Variants in YAF2 observed in about 807,000 individuals in gnomAD.
YAF2 encodes the protein YY1-associated factor 2.
A neutral mutation model predicts 20.1 loss-of-function variants in YAF2; 7 were observed. The ratio of observed to expected loss-of-function variants is 0.35; its 90% CI spans 0.20 to 0.65. The LOEUF (loss-of-function observed/expected upper bound fraction) is 0.65, where lower values mean the gene tolerates loss of function less well. YAF2 is among the 30% of genes least tolerant of loss of function. The pLI, the probability that YAF2 is intolerant of heterozygous loss-of-function variation, is 0.69. For synonymous variants in YAF2, 74 were observed against 76.0 expected (o/e 0.97, Z 0.14); for missense variants, 151 against 219.2 (o/e 0.69, Z 1.96).
At chr12:42,235,609 C>T in intron 2 of YAF2, 1 of 1,474,364 alleles carries the variant, frequency 6.8e-7, no homozygotes, top group Non-Finnish European at 8.9e-7. Flanking sequence ...GTGTAGAACA[C>T]TTACTTTCAG....
chr12:42,194,521 G>A (rs2066700268), intron 2 of YAF2, among the ~76,000 whole-genome samples: 1 of 152,182 alleles, frequency 6.6e-6, no homozygotes, highest in Non-Finnish European at 1.5e-5. Context: ...GCAAGCGCCT[G>A]TAATCCCAGC....
chr12:42,174,938 AG>A (rs1348094198), intron 2 of YAF2, among the ~76,000 whole-genome samples: 1 of 152,232 alleles, frequency 6.6e-6, no homozygotes, highest in African/African-American at 2.4e-5. Flanking sequence ...TATGCATCAA[AG>A]TTTTCCTCAA....
chr12:42,229,701 A>G (rs895042468), intron 2 of YAF2, among the ~76,000 whole-genome samples: 2 of 152,230 alleles, frequency 1.3e-5, no homozygotes, highest in African/African-American at 4.8e-5. Flanking sequence ...CCTACTACAT[A>G]CCTAGGCTAT....
At position 42,178,924 on chromosome 12, in the gene YAF2, G is replaced by A. The variant is rs577728753; in HGVS notation, c.153-17159C>T. Among the ~76,000 whole-genome samples the A allele has an allele frequency of 2.3e-3, 356 of 152,188 alleles. 1 individual carries two copies. The highest frequency in any genetic ancestry group is 0.012 in the South Asian group (58 of 4,816). On this transcript the variant is annotated intron_variant, in intron 2 of 3. Coordinates refer to ENST00000534854, the MANE Select transcript of YAF2 (RefSeq NM_005748.6). ...CCCCTTTAGCCAGGTGTGGTGGTGC[G>A]TGCCTGTAGTCTTACGTACTCAGAA... is the stretch of plus-strand genomic sequence containing the variant.
chr12:42,177,889 T>TA (rs529481284), intron 2 of YAF2, among the ~76,000 whole-genome samples: 106 of 152,318 alleles, frequency 7.0e-4, no homozygotes, highest in African/African-American at 2.3e-3. Context: ...CTTCACTCCC[T>TA]ACTCTATCCT....
At chr12:42,164,432 C>G (rs1189457200) in intron 2 of YAF2, among the ~76,000 whole-genome samples, 1 of 152,150 alleles carries the variant, frequency 6.6e-6, no homozygotes, top group African/African-American at 2.4e-5. Context: ...TCCACCCCCA[C>G]TGACAAAAAT....
At chr12:42,193,129 A>C (rs2066658132) in intron 2 of YAF2, among the ~76,000 whole-genome samples, 1 of 152,130 alleles carries the variant, frequency 6.6e-6, no homozygotes, top group South Asian at 2.1e-4. Flanking sequence ...AGCCTGGCCA[A>C]CATGGTGAAA....
At position 42,158,625 on chromosome 12, in the gene YAF2, CAGTT is replaced by C. The variant is rs1194106454; in HGVS notation, c.*1960_*1963del. The C allele has an allele frequency of 5.3e-5, 8 of 152,166 alleles. No individual in the cohort carries two copies. The highest frequency in any genetic ancestry group is 2.0e-4 in the Admixed American group (3 of 15,268). The allele number at this position is 152,166 out of a possible 1,614,324, so 9.4% of individuals were successfully genotyped here. ...ACAACAGGATTCAAACATGAGGTGTCAGTTAGCACGCTTAATCTCCATGCTACAC... is the reference window on the plus strand; with the variant it reads ...ACAACAGGATTCAAACATGAGGTGTCAGCACGCTTAATCTCCATGCTACAC... On this transcript the variant is annotated 3_prime_UTR_variant, in exon 4 of 4. Transcript: ENST00000534854.
At chr12:42,233,188 T>C (rs1446067476) in intron 2 of YAF2, 3 of 985,430 alleles carry the variant, frequency 3.0e-6, no homozygotes, top group Non-Finnish European at 3.6e-6. Flanking sequence ...CTTTCTACTA[T>C]GTGAAATCTT....
At chr12:42,211,980 C>A (rs1027742382) in intron 2 of YAF2, among the ~76,000 whole-genome samples, 1 of 151,046 alleles carries the variant, frequency 6.6e-6, no homozygotes, top group Admixed American at 6.6e-5. Context: ...ACCCAGAAGG[C>A]GGAGGTTGCA....
intron 2 of YAF2, among the ~76,000 whole-genome samples, chr12:42,176,923 C>T (rs990107026): frequency 2.0e-5 from 3 of 152,182 alleles, no homozygotes; most frequent in Admixed American, 6.5e-5. Context: ...ACCGAGATCA[C>T]GCCATCACAC....
At chr12:42,188,968 T>C (rs1290585552) in intron 2 of YAF2, among the ~76,000 whole-genome samples, 1 of 152,120 alleles carries the variant, frequency 6.6e-6, no homozygotes, top group Non-Finnish European at 1.5e-5. Flanking sequence ...ATTTGTTCAA[T>C]AAATATGAGA....
chr12:42,222,399 G>A (rs2067544264), intron 2 of YAF2, among the ~76,000 whole-genome samples: 3 of 152,092 alleles, frequency 2.0e-5, no homozygotes, highest in South Asian at 4.1e-4. Context: ...AAAGACAAAT[G>A]AGTGAAAAGA....
intron 2 of YAF2, among the ~76,000 whole-genome samples, chr12:42,216,459 T>C (rs1047607743): frequency 1.3e-5 from 2 of 152,184 alleles, no homozygotes; most frequent in Admixed American, 1.3e-4. Context: ...TGTTACACTC[T>C]CCTGGGTTTC....
At chr12:42,226,084 G>T (rs1394963210) in intron 2 of YAF2, among the ~76,000 whole-genome samples, 1 of 152,056 alleles carries the variant, frequency 6.6e-6, no homozygotes, top group South Asian at 2.1e-4. Flanking sequence ...CCTTGAAGAG[G>T]TCCTTCACAT....
At position 42,160,441 on chromosome 12, in the gene YAF2, C is replaced by A. The variant is rs780537969; in HGVS notation, c.*148G>T. 2.3e-5 allele frequency: 15 copies of A among 657,860 alleles called. No homozygotes were observed. The highest frequency in any genetic ancestry group is 3.8e-5 in the Non-Finnish European group (15 of 395,022). 40.8% of individuals were successfully genotyped at this position (657,860 alleles called of 1,614,324 possible). On this transcript the variant is annotated 3_prime_UTR_variant, in exon 4 of 4. Transcript: ENST00000534854. ...TAGGCATCATTGCAATAAAATCTAA[C>A]AAATTCTAACAAATTTCTATTTTAT...
intron 2 of YAF2, among the ~76,000 whole-genome samples, chr12:42,219,761 G>A (rs1054153366): frequency 6.6e-6 from 1 of 152,140 alleles, no homozygotes; most frequent in African/African-American, 2.4e-5. Flanking sequence ...AAACTTTAAT[G>A]TGCATATAAA....
At chr12:42,228,414 C>A (rs527352104) in intron 2 of YAF2, among the ~76,000 whole-genome samples, 32 of 46,326 alleles carry the variant, frequency 6.9e-4, no homozygotes, top group East Asian at 2.0e-3. Context: ...CCGCCCCGTC[C>A]GGGAGGGAGG....
chr12:42,235,699 T>G (rs1382244004), intron 2 of YAF2: 1 of 1,532,198 alleles, frequency 6.5e-7, no homozygotes, highest in Non-Finnish European at 8.7e-7. Context: ...CTTCTCTGAG[T>G]CCTCCTCAAG....
Sources: gnomAD v4.1 joint callset for allele counts (sites outside exome capture counted in the v4.1 genomes callset) on GRCh38, gnomAD v4.1.1 for gene constraint, MANE v1.5 for transcripts, NCBI Gene and HGNC (gene_info 2026-07-23, HGNC 2026-07-21) for gene names.